ITPR1: variants seen among roughly 807,000 people sequenced by gnomAD.
ITPR1 encodes the protein inositol 1,4,5-trisphosphate receptor type 1.
A neutral mutation model predicts 318.4 loss-of-function variants in ITPR1; 96 were observed. The observed-to-expected ratio is 0.30, with a 90% confidence interval of 0.26 to 0.36. The LOEUF is 0.36. ITPR1 is among the 10% of genes least tolerant of loss of function. The pLI is 1.00. For synonymous variants in ITPR1, 1,312 were observed against 1,289.9 expected, an observed-to-expected ratio of 1.02 and a Z score of -0.37; for missense variants, 2,440 against 3,460.2, an observed-to-expected ratio of 0.71 and a Z score of 7.40.
At chr3:4,607,733 T>C (rs2091801149) in intron 4 of ITPR1, among the ~76,000 whole-genome samples, 1 of 152,010 alleles carries the variant, frequency 6.6e-6, no homozygotes, top group Non-Finnish European at 1.5e-5. Flanking sequence ...TGCGCTGAGT[T>C]GCTTCTGGGT....
intron 3 of ITPR1, among the ~76,000 whole-genome samples, chr3:4,518,772 T>A (rs963106993): frequency 1.3e-5 from 2 of 152,168 alleles, no homozygotes; most frequent in Admixed American, 6.5e-5. Context: ...TTTTAGCTTG[T>A]TAAAAATAAA....
chr3:4,744,186 A>C (rs1426117521), intron 44 of ITPR1, among the ~76,000 whole-genome samples: 1 of 152,234 alleles, frequency 6.6e-6, no homozygotes, highest in East Asian at 1.9e-4. Flanking sequence ...CAGGTTTTCC[A>C]CAGTCTCCAA....
intron 12 of ITPR1, among the ~76,000 whole-genome samples, chr3:4,656,573 G>A (rs528664511): frequency 2.0e-5 from 3 of 152,302 alleles, no homozygotes; most frequent in East Asian, 3.9e-4. Flanking sequence ...GATATTAAAA[G>A]AACCTTTTTT....
At chr3:4,589,826 T>C (rs913935156) in intron 4 of ITPR1, among the ~76,000 whole-genome samples, 1 of 152,022 alleles carries the variant, frequency 6.6e-6, no homozygotes, top group Non-Finnish European at 1.5e-5. Flanking sequence ...CACAGACAAA[T>C]TGGATCAGAA....
In ITPR1 at chr3:4,688,475, A is replaced by G; in HGVS notation, c.3703-20A>G. 2 of 1,613,158 alleles carry G rather than the reference A, an allele frequency of 1.2e-6. No individual in the cohort carries two copies. The highest frequency in any genetic ancestry group is 1.7e-6 in the Non-Finnish European group (2 of 1,179,208). The stretch of plus-strand genomic sequence containing the variant: ...TCCTGGCCCAGCAATCAGTGCTTTC[A>G]TCTGTCTCCTCCCACACAGGCCGAA... On this transcript the variant is annotated intron_variant, in intron 30 of 61. Coordinates refer to ENST00000649015, the MANE Select transcript of ITPR1 (RefSeq NM_001378452.1).
chr3:4,639,256 G>A, intron 5 of ITPR1, 128 bp from the exon 6 acceptor site: 1 of 700,324 alleles, frequency 1.4e-6, no homozygotes, highest in Admixed American at 2.3e-5. Flanking sequence ...AAGCCTCAGG[G>A]TGTGTCCTCA....
chr3:4,799,640 G>GTT (rs553728305), intron 53 of ITPR1, among the ~76,000 whole-genome samples: 2 of 147,516 alleles, frequency 1.4e-5, no homozygotes, highest in African/African-American at 5.0e-5. Flanking sequence ...AAATAGGGGT[G>GTT]TTTTTTTTTT....
intron 51 of ITPR1, 24 bp from the exon 52 acceptor site, chr3:4,787,923 A>G (rs758511387): frequency 6.4e-7 from 1 of 1,553,106 alleles, no homozygotes; most frequent in Non-Finnish European, 8.8e-7. Flanking sequence ...TGAATATTTA[A>G]TCTCATCCAC....
rs1167907640 is a variant in ITPR1, at chr3:4,779,063, GA to G, written c.6292-486del. Among the ~76,000 whole-genome samples, 4 of 152,226 alleles carry G rather than the reference GA, an allele frequency of 2.6e-5. No homozygotes were observed. Among genetic ancestry groups the G allele is most frequent in the Non-Finnish European group, 5.9e-5 (4 of 68,040 alleles). On this transcript the variant is annotated intron_variant, in intron 48 of 61. Coordinates refer to ENST00000649015, the MANE Select transcript of ITPR1 (RefSeq NM_001378452.1). This position sits in a 1 kb window ranked among gnomAD's most constrained non-coding sequence, Gnocchi z 4.0. ...ATGTACTCATTATATTAGGGGTTAT[GA>G]GAGCTAATAGAAATATTTTAAGACA...
intron 4 of ITPR1, among the ~76,000 whole-genome samples, chr3:4,546,885 A>G (rs1325146738): frequency 7.8e-6 from 1 of 127,760 alleles, no homozygotes; most frequent in Non-Finnish European, 1.7e-5. Context: ...GACCAGGGGA[A>G]GAGAGGGGCC....
chr3:4,589,765 A>T (rs930882429), intron 4 of ITPR1, among the ~76,000 whole-genome samples: 1 of 75,494 alleles, frequency 1.3e-5, no homozygotes, highest in Admixed American at 1.4e-4. Context: ...CAGAAGAATT[A>T]AAAAAAAAAA....
intron 60 of ITPR1, among the ~76,000 whole-genome samples, chr3:4,822,275 C>A (rs1279661295): frequency 6.6e-6 from 1 of 152,152 alleles, no homozygotes. Context: ...GCAGGGGCTG[C>A]GGGGCTGACA....
At chr3:4,748,050 C>T (rs1481601303) in intron 44 of ITPR1, among the ~76,000 whole-genome samples, 1 of 152,164 alleles carries the variant, frequency 6.6e-6, no homozygotes, top group Non-Finnish European at 1.5e-5. Flanking sequence ...TTATAAAGTG[C>T]CCAGCACTGT....
chr3:4,746,901 G>A (rs1014901152), intron 44 of ITPR1, among the ~76,000 whole-genome samples: 1 of 152,184 alleles, frequency 6.6e-6, no homozygotes, highest in African/African-American at 2.4e-5. Flanking sequence ...CCGGGGTCAA[G>A]TCTCCATCTG....
At chr3:4,811,631 A>G (rs1261459595) in intron 56 of ITPR1, among the ~76,000 whole-genome samples, 171 bp downstream of exon 56, 5 of 152,246 alleles carry the variant, frequency 3.3e-5, no homozygotes, top group Non-Finnish European at 7.3e-5. Context: ...GAATGTGGCA[A>G]TGTGGCATAT....
chr3:4,721,172 G>GTGTGTGTATA (rs1356149562), intron 40 of ITPR1, among the ~76,000 whole-genome samples: 2 of 125,080 alleles, frequency 1.6e-5, no homozygotes, highest in Non-Finnish European at 3.2e-5. Flanking sequence ...GTGTGTGCGT[G>GTGTGTGTATA]TATATATATA....
intron 61 of ITPR1, among the ~76,000 whole-genome samples, chr3:4,845,449 G>C (rs2051693007): frequency 6.6e-6 from 1 of 152,172 alleles, no homozygotes; most frequent in Non-Finnish European, 1.5e-5. Context: ...AATAGAATCG[G>C]CTTCTTGTTT....
intron 4 of ITPR1, among the ~76,000 whole-genome samples, chr3:4,558,783 G>A (rs988509841): frequency 1.3e-5 from 2 of 151,950 alleles, no homozygotes; most frequent in African/African-American, 4.8e-5. Flanking sequence ...GAACCCACTA[G>A]CCTTAACAGT....
chr3:4,581,289 G>A (rs975735412), intron 4 of ITPR1, among the ~76,000 whole-genome samples: 1 of 152,200 alleles, frequency 6.6e-6, no homozygotes, highest in Non-Finnish European at 1.5e-5. Context: ...TCTTCAGAAG[G>A]CGGTCTGCAT....
Sources: gnomAD v4.1 joint callset for allele counts (sites outside exome capture counted in the v4.1 genomes callset) on GRCh38, gnomAD v4.1.1 for gene constraint, Gnocchi (gnomAD v3.1) non-coding constraint, MANE v1.5 for transcripts, NCBI Gene and HGNC (gene_info 2026-07-23, HGNC 2026-07-21) for gene names.